The following RILPL2 variants were observed in gnomAD, a reference collection of about 807,000 sequenced individuals.
RILPL2 encodes Rab interacting lysosomal protein like 2.
Under a neutral mutation model 22.2 loss-of-function variants are expected in RILPL2, and 19 were observed. That is an observed-to-expected ratio of 0.86 (90% confidence interval 0.60 to 1.25). The LOEUF (loss-of-function observed/expected upper bound fraction) is 1.25, where lower values mean the gene tolerates loss of function less well. Ranked by LOEUF, RILPL2 falls within the 50% of genes most tolerant of loss-of-function variation. RILPL2 has a pLI of 0.00. For synonymous variants in RILPL2, 123 were observed against 111.6 expected, an observed-to-expected ratio of 1.10 and a Z score of -0.64; for missense variants, 243 against 263.6, an observed-to-expected ratio of 0.92 and a Z score of 0.54.
At chr12:123,424,922 C>T (rs1320730103) in intron 2 of RILPL2, among the ~76,000 whole-genome samples, 1 of 152,008 alleles carries the variant, frequency 6.6e-6, no homozygotes, top group South Asian at 2.1e-4. Flanking sequence ...AGCTCTGTCA[C>T]CCAGGCTGGA....
intron 3 of RILPL2, among the ~76,000 whole-genome samples, chr12:123,418,736 ATTTCT>A (rs1201535526): frequency 7.5e-6 from 1 of 132,556 alleles, no homozygotes; most frequent in African/African-American, 2.8e-5. Context: ...CACTGACTTG[ATTTCT>A]TTTTCTTTTT....
At chr12:123,416,068 T>G in intron 3 of RILPL2, 147 bp from the exon 4 acceptor site, 2 of 828,854 alleles carry the variant, frequency 2.4e-6, no homozygotes, top group Non-Finnish European at 4.1e-6. Context: ...CCTGTAATCC[T>G]ATGATTTTGG....
intron 1 of RILPL2, among the ~76,000 whole-genome samples, chr12:123,434,629 T>A (rs1037077933): frequency 6.6e-6 from 1 of 151,750 alleles, no homozygotes; most frequent in African/African-American, 2.4e-5. Flanking sequence ...AGTTTCACCA[T>A]GTTGGCCAGG....
rs765236095 is a variant in RILPL2, at chr12:123,436,511, G to A, written c.-91C>T. The A allele has an allele frequency of 7.5e-5, 111 of 1,484,404 alleles. No homozygotes were observed. Among genetic ancestry groups the A allele is most frequent in the Non-Finnish European group, 9.4e-5 (105 of 1,118,976 alleles). 92.0% of individuals were successfully genotyped at this position (1,484,404 alleles called of 1,614,324 possible). On this transcript the variant is annotated 5_prime_UTR_variant, in exon 1 of 4. Transcript: ENST00000280571. The surrounding 1 kb of genome is among the most constrained non-coding windows in gnomAD (Gnocchi z 6.7). ...CCCGGCACCCAAAACTTTCCGCTGGGCAGAGTCCCTACCTGCCCAATCAGC... is the reference window on the plus strand; with the variant it reads ...CCCGGCACCCAAAACTTTCCGCTGGACAGAGTCCCTACCTGCCCAATCAGC...
chr12:123,426,750 C>T (rs1250988909), intron 2 of RILPL2, among the ~76,000 whole-genome samples: 4 of 150,794 alleles, frequency 2.7e-5, no homozygotes, highest in East Asian at 2.0e-4. Context: ...TACAGGTGCC[C>T]GCCACCTCGT....
chr12:123,414,952 A>G (rs995676199), downstream of RILPL2: 2 of 150,960 alleles, frequency 1.3e-5, no homozygotes, highest in Non-Finnish European at 3.0e-5. Flanking sequence ...AAAAAAAAAA[A>G]TCTATAAACT....
intron 3 of RILPL2, among the ~76,000 whole-genome samples, chr12:123,422,168 C>T (rs948200083): frequency 2.0e-5 from 3 of 151,458 alleles, no homozygotes; most frequent in East Asian, 1.9e-4. Context: ...CAGGCCACCA[C>T]GCCCAGCTAA....
chr12:123,434,484 C>T (rs895235859), intron 1 of RILPL2, among the ~76,000 whole-genome samples: 1 of 151,194 alleles, frequency 6.6e-6, no homozygotes, highest in African/African-American at 2.4e-5. Context: ...AGTGCAGTGG[C>T]GCGATCTCGG....
chr12:123,428,641 C>T (rs1296036151), intron 2 of RILPL2, among the ~76,000 whole-genome samples: 3 of 152,166 alleles, frequency 2.0e-5, no homozygotes, highest in Non-Finnish European at 2.9e-5. Context: ...TCCAAGCTTT[C>T]GTGATCTAAA....
intron 2 of RILPL2, among the ~76,000 whole-genome samples, chr12:123,428,618 G>GT (rs1879510393): frequency 6.6e-6 from 1 of 152,284 alleles, no homozygotes; most frequent in South Asian, 2.1e-4. Flanking sequence ...TTTGATCAGG[G>GT]TATGTCCTTA....
Position 123,423,160 on chromosome 12 carries a change from G to A in RILPL2, c.492-3C>T. 6.4e-7 allele frequency: 1 copy of A among 1,564,388 alleles called. No individual in the cohort carries two copies. The highest frequency in any genetic ancestry group is 8.7e-7 in the Non-Finnish European group (1 of 1,145,566). ...CTTCTCTTGGTGGAATCAGGCCACTGGGAAACGGGACAAAAAATAAATGGA... is the reference window on the plus strand; with the variant it reads ...CTTCTCTTGGTGGAATCAGGCCACTAGGAAACGGGACAAAAAATAAATGGA... On this transcript the variant is annotated splice_region_variant and splice_polypyrimidine_tract_variant and intron_variant, in intron 2 of 3. Coordinates refer to ENST00000280571, the MANE Select transcript of RILPL2 (RefSeq NM_145058.3).
intron 2 of RILPL2, among the ~76,000 whole-genome samples, chr12:123,423,493 G>T (rs1179267384): frequency 6.6e-6 from 1 of 151,722 alleles, no homozygotes; most frequent in East Asian, 1.9e-4. Flanking sequence ...GAACCACTGA[G>T]CCTGGCTTTT....
intron 2 of RILPL2, among the ~76,000 whole-genome samples, chr12:123,428,399 G>C (rs1305506935): frequency 6.6e-6 from 1 of 152,170 alleles, no homozygotes; most frequent in African/African-American, 2.4e-5. Context: ...GCCTCCCAAA[G>C]TGCTGGGATT....
chr12:123,412,136 G>C (rs1039077833), downstream of RILPL2: 1 of 152,022 alleles, frequency 6.6e-6, no homozygotes, highest in Non-Finnish European at 1.5e-5. Context: ...CCCACAGGGA[G>C]GCAGGGGAGC....
At chr12:123,430,453 G>A in intron 2 of RILPL2, 55 bp downstream of exon 2, 1 of 1,494,890 alleles carries the variant, frequency 6.7e-7, no homozygotes, top group Non-Finnish European at 9.0e-7. Context: ...ATGTAACCTA[G>A]CAAGGAATTC....
chr12:123,428,282 G>A (rs554536019), intron 2 of RILPL2, among the ~76,000 whole-genome samples: 4 of 152,114 alleles, frequency 2.6e-5, no homozygotes, highest in Non-Finnish European at 4.4e-5. Flanking sequence ...GACTACAGGC[G>A]CCCGCCACCA....
downstream of RILPL2, chr12:123,415,031 G>C (rs906689844): frequency 6.6e-6 from 1 of 151,832 alleles, no homozygotes; most frequent in African/African-American, 2.4e-5. Context: ...CAGAGCAGGC[G>C]AAACACATTG....
Position 123,436,082 on chromosome 12 carries a change from C to G in RILPL2, c.339G>C (p.Glu113Asp). 6.4e-7 allele frequency: 1 copy of G among 1,568,812 alleles called. No homozygotes were observed. Reference sequence around the variant, plus strand: ...CCGGAACCCTCGCTCCCACACTCACCTCCCCGCTGGCCGGAGGGCTCTGTC... The same window carrying G: ...CCGGAACCCTCGCTCCCACACTCACGTCCCCGCTGGCCGGAGGGCTCTGTC... ...LRRQSPPASGEVNLGPNKMVV... is the reference protein window; with the variant it reads ...LRRQSPPASGDVNLGPNKMVV... The change falls in exon 1 of 4, where the codon GAG becomes GAC. Residue 113 changes from glutamate to aspartate, a missense_variant and splice_region_variant. Coordinates refer to ENST00000280571, the MANE Select transcript of RILPL2 (RefSeq NM_145058.3). The surrounding 1 kb of genome is among the most constrained non-coding windows in gnomAD (Gnocchi z 6.7).
In RILPL2 at chr12:123,430,613, T is replaced by A. The variant is rs1307465352; in HGVS notation, c.386A>T (p.Asn129Ile). 1 of 1,610,714 alleles carries A rather than the reference T, an allele frequency of 6.2e-7. No homozygotes were observed. Among genetic ancestry groups the A allele is most frequent in the Admixed American group, 1.7e-5 (1 of 59,890 alleles). ...CTCCTGCAGAGTGAAGCGGGGTCGGTTGGGATCTGTCAGGTCAACCACCAT... is the reference window on the plus strand; with the variant it reads ...CTCCTGCAGAGTGAAGCGGGGTCGGATGGGATCTGTCAGGTCAACCACCAT... ...NKMVVDLTDP[N>I]RPRFTLQELR... The change falls in exon 2 of 4, where the codon AAC (asparagine) becomes ATC (isoleucine). Residue 129 changes from asparagine to isoleucine, a missense_variant. Transcript: ENST00000280571.
Sources: gnomAD v4.1 joint callset for allele counts (sites outside exome capture counted in the v4.1 genomes callset) on GRCh38, gnomAD v4.1.1 for gene constraint, Gnocchi (gnomAD v3.1) non-coding constraint, MANE v1.5 for transcripts, NCBI Gene and HGNC (gene_info 2026-07-23, HGNC 2026-07-21) for gene names.